PCDHA9: variants seen among roughly 807,000 people sequenced by gnomAD.
PCDHA9 encodes the protein protocadherin alpha 9.
In PCDHA9, 62 loss-of-function variants were observed where a neutral mutation model predicts 62.0. The ratio of observed to expected loss-of-function variants is 1.00; its 90% confidence interval spans 0.81 to 1.23. The LOEUF (loss-of-function observed/expected upper bound fraction) is 1.23. Among genes scored for constraint, PCDHA9 ranks in the 50% most tolerant of loss-of-function variants. PCDHA9 has a pLI of 0.00. For missense variants in PCDHA9, 1,205 were observed against 1,249.8 expected (o/e 0.96, Z 0.54); for synonymous variants, 557 against 567.6 (o/e 0.98, Z 0.27).
chr5:140,900,381 G>A lies in PCDHA9; in HGVS notation c.2394+49492G>A, dbSNP rs149167159. 1.2e-4 allele frequency among the ~76,000 whole-genome samples: 19 copies of A among 152,024 alleles called. 1 individual carries two copies. The East Asian group carries it at 2.1e-3, about 17-fold the overall frequency. ...CAACCTCTGCCTCCTGGGTTCAAGC[G>A]ATTCTCCTGCCTCAGCCTCCCAAGT... is the stretch of plus-strand genomic sequence containing the variant. On this transcript the variant is annotated intron_variant, in intron 1 of 3. Transcript: ENST00000532602.
intron 1 of PCDHA9, chr5:140,968,785 T>G: frequency 6.2e-7 from 1 of 1,614,226 alleles, no homozygotes; most frequent in Non-Finnish European, 8.5e-7. Flanking sequence ...TATCAGCCTC[T>G]GTGGCCATTA....
At chr5:140,863,304 C>T in intron 1 of PCDHA9, 1 of 1,463,904 alleles carries the variant, frequency 6.8e-7, no homozygotes, top group Non-Finnish European at 9.3e-7. Context: ...TCATCGCCAT[C>T]TGCGTGGTGT....
chr5:140,850,333 C>G lies in PCDHA9; in HGVS notation c.1838C>G (p.Pro613Arg), dbSNP rs2150480069. 3.1e-6 allele frequency: 5 copies of G among 1,597,624 alleles called. 1 individual carries two copies. The highest frequency in any genetic ancestry group is 4.3e-6 in the Non-Finnish European group (5 of 1,167,680). ...YNAWLSYELQ[P>R]ETASASIPFR... ...GCGTGGCTTTCATACGAGCTGCAGC[C>G]AGAAACGGCCAGCGCGAGCATCCCG... The change falls in exon 1 of 4, where the codon CCA becomes CGA. Residue 613 changes from proline to arginine, a missense_variant. By Grantham distance (103) the Pro-to-Arg change is moderately radical. This residue lies in a region of PCDHA9 where 887 missense variants were observed against 809.5 expected (regional missense o/e 1.10). Coordinates refer to ENST00000532602, the MANE Select transcript of PCDHA9 (RefSeq NM_031857.2).
At chr5:140,981,041 A>C (rs72802989) in intron 2 of PCDHA9, among the ~76,000 whole-genome samples, 7,382 of 152,278 alleles carry the variant, frequency 0.048, 205 homozygotes, top group Non-Finnish European at 0.065. Context: ...GGGAAAAAAA[A>C]CAGATAATTC....
At chr5:140,886,107 G>T (rs1340579685) in intron 1 of PCDHA9, among the ~76,000 whole-genome samples, 2 of 152,142 alleles carry the variant, frequency 1.3e-5, no homozygotes, top group Non-Finnish European at 2.9e-5. Flanking sequence ...ATACAGTAAA[G>T]AAGTAACATA....
chr5:140,984,641 C>T (rs2153834832), intron 3 of PCDHA9, among the ~76,000 whole-genome samples: 1 of 152,276 alleles, frequency 6.6e-6, no homozygotes, highest in South Asian at 2.1e-4. Context: ...TCTCTGCCTT[C>T]TCCCTGTCCT....
chr5:140,850,420 C>T lies in PCDHA9; in HGVS notation c.1925C>T (p.Ala642Val). The T allele has an allele frequency of 1.9e-6, 3 of 1,597,930 alleles. 1 individual carries two copies. The highest frequency in any genetic ancestry group is 2.6e-6 in the Non-Finnish European group (3 of 1,167,744). ...STTRALDETDAPRQRLLVLVK... is the reference protein window; with the variant it reads ...STTRALDETDVPRQRLLVLVK... ...ACGCGTGCCCTGGACGAAACGGACG[C>T]ACCGCGCCAGCGCCTACTGGTGCTG... Residue 642 changes from alanine (A) to valine (V), a missense_variant, in exon 1 of 4, where the codon GCA becomes GTA. Ala to Val is a moderately conservative substitution (Grantham distance 64). Transcript: ENST00000532602.
chr5:140,936,079 G>T (rs1341534865), intron 1 of PCDHA9, among the ~76,000 whole-genome samples: 2 of 152,008 alleles, frequency 1.3e-5, no homozygotes, highest in African/African-American at 4.8e-5. Context: ...TTTTAGTAGA[G>T]ACAGGGTTTC....
At chr5:140,853,965 C>A (rs1349706249) in intron 1 of PCDHA9, 2 of 649,666 alleles carry the variant, frequency 3.1e-6, no homozygotes, top group African/African-American at 2.0e-5. Context: ...TTGAGCCCAG[C>A]AGTTTGAGAC....
At chr5:140,950,065 G>A (rs1403260430) in intron 1 of PCDHA9, among the ~76,000 whole-genome samples, 1 of 151,574 alleles carries the variant, frequency 6.6e-6, no homozygotes, top group Non-Finnish European at 1.5e-5. Context: ...AGCTCTTCCT[G>A]TGCCATTGCT....
chr5:140,922,498 G>C (rs2080865421), intron 1 of PCDHA9, among the ~76,000 whole-genome samples: 1 of 152,230 alleles, frequency 6.6e-6, no homozygotes, highest in African/African-American at 2.4e-5. Context: ...CTGAGAGTGA[G>C]CAGATGCACC....
intron 1 of PCDHA9, chr5:140,869,173 T>C: frequency 6.2e-7 from 1 of 1,613,884 alleles, no homozygotes; most frequent in African/African-American, 1.3e-5. Flanking sequence ...CCTCGAATTC[T>C]GGGAGGTGGG....
chr5:141,003,589 A>G (rs781995684), intron 3 of PCDHA9, among the ~76,000 whole-genome samples: 9 of 152,170 alleles, frequency 5.9e-5, no homozygotes, highest in Non-Finnish European at 1.3e-4. Context: ...CTGGGATTTT[A>G]GATGTGAGCC....
chr5:141,000,405 A>C lies in PCDHA9; in HGVS notation c.2543-9222A>C, dbSNP rs1290838400. Among the ~76,000 whole-genome samples the C allele has an allele frequency of 7.9e-5, 7 of 88,832 alleles. No individual in the cohort carries two copies. In the East Asian group the frequency reaches 9.8e-4, roughly 12 times the overall value. The allele number at this position is 88,832 out of a possible 152,430, so 58.3% of individuals were successfully genotyped here. On this transcript the variant is annotated intron_variant, in intron 3 of 3. Transcript: ENST00000532602. ...TCTCTCTCTCTCTCTCTATATATAT[A>C]TATATATATATATATATTTTTTTTT...
Position 140,986,130 on chromosome 5 carries a change from G to T in PCDHA9, c.2542+3567G>T, listed in dbSNP as rs150350316. ...AGATAAAGATGCCACACTCTGAAAGGATCAACAAGGGCATCACCAAGTAAT... is the reference window on the plus strand; with the variant it reads ...AGATAAAGATGCCACACTCTGAAAGTATCAACAAGGGCATCACCAAGTAAT... On this transcript the variant is annotated intron_variant, in intron 3 of 3. Coordinates refer to ENST00000532602, the MANE Select transcript of PCDHA9 (RefSeq NM_031857.2). 8.5e-5 allele frequency among the ~76,000 whole-genome samples: 13 copies of T among 152,216 alleles called. 1 individual carries two copies. The East Asian group carries it at 2.5e-3, about 29-fold the overall frequency.
At chr5:140,940,611 C>T (rs782735444) in intron 1 of PCDHA9, among the ~76,000 whole-genome samples, 1 of 152,144 alleles carries the variant, frequency 6.6e-6, no homozygotes. Flanking sequence ...CTGCTCCTGG[C>T]TCCTGCAAAT....
intron 1 of PCDHA9, chr5:140,877,350 G>T (rs376513441): frequency 1.9e-6 from 3 of 1,614,014 alleles, no homozygotes; most frequent in Non-Finnish European, 2.5e-6. Flanking sequence ...ACGTGGGGCT[G>T]TACACTGGCG....
chr5:140,940,076 T>C (rs1469877434), intron 1 of PCDHA9, among the ~76,000 whole-genome samples: 2 of 152,230 alleles, frequency 1.3e-5, no homozygotes, highest in Non-Finnish European at 2.9e-5. Flanking sequence ...ATGTGATATC[T>C]TTCTGCTAAA....
chr5:140,872,231 T>A (rs1050025307), intron 1 of PCDHA9, among the ~76,000 whole-genome samples: 2 of 152,228 alleles, frequency 1.3e-5, no homozygotes, highest in Non-Finnish European at 2.9e-5. Context: ...TCTTTACTTT[T>A]GTCTTTATTC....
Sources: gnomAD v4.1 joint callset for allele counts (sites outside exome capture counted in the v4.1 genomes callset) on GRCh38, gnomAD v4.1.1 for gene constraint, gnomAD v4.1.1 regional missense constraint, MANE v1.5 for transcripts, NCBI Gene and HGNC (gene_info 2026-07-23, HGNC 2026-07-21) for gene names.